The following TTLL13 variants were observed in gnomAD, a reference collection of about 807,000 sequenced individuals.
TTLL13 encodes tubulin polyglutamylase TTLL13.
At chr15:90,257,684 T>C in the TTLL13 span, 1 of 1,613,070 alleles carries the variant, frequency 6.2e-7, no homozygotes. Flanking sequence ...ACAAACACAA[T>C]GAGAATTTTG....
At chr15:90,257,320 A>G in the TTLL13 span, 6 of 1,587,620 alleles carry the variant, frequency 3.8e-6, no homozygotes, top group Non-Finnish European at 5.1e-6. Flanking sequence ...TCCACTGCCA[A>G]AAGTGCTGAG....
chr15:90,253,283 G>C, the TTLL13 span: 26 of 1,613,844 alleles, frequency 1.6e-5, no homozygotes, highest in Non-Finnish European at 1.9e-5. Flanking sequence ...GCCTGAAGGA[G>C]GTGGGGGAGG....
At chr15:90,261,954 A>G in the TTLL13 span, 1 of 1,418,380 alleles carries the variant, frequency 7.1e-7, no homozygotes, top group Admixed American at 2.3e-5. Flanking sequence ...TCCTTTCCCT[A>G]CTGAACATTC....
chr15:90,253,421 T>G, the TTLL13 span: 1 of 1,375,380 alleles, frequency 7.3e-7, no homozygotes, highest in Non-Finnish European at 1.0e-6. Context: ...AGAATGACTA[T>G]TCCCACCTCC....
At chr15:90,265,365 G>C in the TTLL13 span, 1 of 1,229,018 alleles carries the variant, frequency 8.1e-7, no homozygotes, top group Non-Finnish European at 1.0e-6. Flanking sequence ...ACTGCCGAGC[G>C]GAAGCCCTGC....
chr15:90,253,381 G>A, the TTLL13 span: 4 of 1,600,640 alleles, frequency 2.5e-6, no homozygotes, highest in East Asian at 8.9e-5. Context: ...CCCATCTCCT[G>A]ACCTGAGAGC....
At chr15:90,262,976 G>T in the TTLL13 span, 1 of 1,535,710 alleles carries the variant, frequency 6.5e-7, no homozygotes, top group Non-Finnish European at 8.7e-7. Flanking sequence ...CTGCTGCCGG[G>T]ACAGCTGGAC....
chr15:90,262,637 T>C, the TTLL13 span: 16 of 1,511,312 alleles, frequency 1.1e-5, no homozygotes, highest in Admixed American at 2.3e-5. Flanking sequence ...TTCCACCCAC[T>C]TGGCTTACAG....
the TTLL13 span, among the ~76,000 whole-genome samples, chr15:90,254,725 A>T: frequency 6.6e-6 from 1 of 152,052 alleles, no homozygotes; most frequent in Non-Finnish European, 1.5e-5. Context: ...TGCATGCTTT[A>T]GTCCCAGCCA....
the TTLL13 span, chr15:90,250,994 C>A: frequency 1.4e-6 from 2 of 1,405,228 alleles, no homozygotes; most frequent in African/African-American, 1.4e-5. Context: ...CTTTAGCCTA[C>A]AAAAGAGGAC....
the TTLL13 span, chr15:90,263,905 A>G: frequency 7.5e-7 from 1 of 1,330,810 alleles, no homozygotes; most frequent in Non-Finnish European, 1.0e-6. Context: ...ACTGCCAAGC[A>G]TGAATGCTGC....
the TTLL13 span, chr15:90,264,967 A>G: frequency 6.5e-7 from 1 of 1,533,302 alleles, no homozygotes; most frequent in African/African-American, 1.4e-5. Flanking sequence ...AGTTCAGGTA[A>G]AAGCAGGAGG....
chr15:90,250,482 C>T, the TTLL13 span: 2 of 903,106 alleles, frequency 2.2e-6, no homozygotes, highest in Non-Finnish European at 3.3e-6. Context: ...CTCAGTGAAA[C>T]AGTTTTGTCC....
At chr15:90,256,711 T>G in the TTLL13 span, among the ~76,000 whole-genome samples, 1 of 151,494 alleles carries the variant, frequency 6.6e-6, no homozygotes. Flanking sequence ...TTTCTTTCGA[T>G]GGAGTCTCTC....
the TTLL13 span, chr15:90,257,725 A>C: frequency 1.9e-6 from 3 of 1,613,362 alleles, no homozygotes; most frequent in Non-Finnish European, 2.5e-6. Context: ...AGTAAGAGGT[A>C]CTCCCTACTC....
chr15:90,264,059 G>C, the TTLL13 span: 464 of 1,524,758 alleles, frequency 3.0e-4, 2 homozygotes, highest in Middle Eastern at 7.4e-3. Flanking sequence ...CTCACTAGCC[G>C]TAAGTATGCA....
the TTLL13 span, chr15:90,251,612 C>T: frequency 1.2e-6 from 2 of 1,613,236 alleles, no homozygotes; most frequent in South Asian, 1.1e-5. Flanking sequence ...CCCAGCCCGT[C>T]GCTCACACTG....
At chr15:90,255,740 C>G in the TTLL13 span, 1 of 1,614,170 alleles carries the variant, frequency 6.2e-7, no homozygotes, top group Non-Finnish European at 8.5e-7. Context: ...CTCATACTAA[C>G]TGGCTGTGTT....
At chr15:90,255,924 G>A in the TTLL13 span, 1 of 1,613,510 alleles carries the variant, frequency 6.2e-7, no homozygotes, top group Non-Finnish European at 8.5e-7. Context: ...ATACCAGGGG[G>A]AGGAAAAGGG....
Sources: allele counts gnomAD v4.1 joint callset (sites outside exome capture counted in the v4.1 genomes callset), GRCh38; gene constraint gnomAD v4.1.1; transcripts MANE v1.5; gene names NCBI Gene and HGNC (gene_info 2026-07-23, HGNC 2026-07-21).